Variants in SLC26A5 observed in about 807,000 individuals in gnomAD.
SLC26A5 encodes solute carrier family 26 member 5.
SLC26A5 carries 51 observed loss-of-function variants against 81.0 expected under a neutral mutation model. The observed-to-expected ratio is 0.63, with a 90% confidence interval of 0.50 to 0.80. The LOEUF (loss-of-function observed/expected upper bound fraction) is 0.80. Ranked by LOEUF, SLC26A5 falls within the 30% of genes least tolerant of loss-of-function variation. The pLI, the probability that SLC26A5 is intolerant of heterozygous loss-of-function variation, is 0.00. For synonymous variants in SLC26A5, 325 were observed against 332.8 expected, an observed-to-expected ratio of 0.98 and a Z score of 0.25; for missense variants, 771 against 905.8, an observed-to-expected ratio of 0.85 and a Z score of 1.91.
intron 4 of SLC26A5, 35 bp downstream of exon 4, chr7:103,420,703 A>C: frequency 6.2e-7 from 1 of 1,612,982 alleles, no homozygotes; most frequent in Non-Finnish European, 8.5e-7. Context: ...TTGTTTGAGG[A>C]CAGCAAGGGG....
intron 14 of SLC26A5, among the ~76,000 whole-genome samples, chr7:103,384,289 A>G (rs543192789): frequency 6.6e-6 from 1 of 151,940 alleles, no homozygotes; most frequent in Admixed American, 6.6e-5. Context: ...TGTTTGGCCT[A>G]TATTCTAATT....
intron 3 of SLC26A5, among the ~76,000 whole-genome samples, 169 bp downstream of exon 3, chr7:103,421,194 G>A (rs1048168992): frequency 2.6e-5 from 4 of 152,220 alleles, no homozygotes; most frequent in African/African-American, 7.2e-5. Flanking sequence ...TGAAGCCTGT[G>A]TGCAAATATC....
At chr7:103,356,013 G>T (rs1160529763) in intron 19 of SLC26A5, among the ~76,000 whole-genome samples, 1 of 152,132 alleles carries the variant, frequency 6.6e-6, no homozygotes, top group Non-Finnish European at 1.5e-5. Context: ...GATATAAAAA[G>T]ATGTAGAGCA....
intron 2 of SLC26A5, among the ~76,000 whole-genome samples, chr7:103,439,730 C>T (rs925198406): frequency 6.6e-6 from 1 of 152,184 alleles, no homozygotes; most frequent in African/African-American, 2.4e-5. Flanking sequence ...AATGGGATTT[C>T]ACCATGTTGG....
intron 2 of SLC26A5, among the ~76,000 whole-genome samples, chr7:103,442,528 T>C (rs1189033912): frequency 6.6e-6 from 1 of 152,200 alleles, no homozygotes; most frequent in Non-Finnish European, 1.5e-5. Flanking sequence ...CTAAGGACTT[T>C]ATCCTCAGAA....
Position 103,408,020 on chromosome 7 carries a change from G to A in SLC26A5, c.736-17C>T. The A allele has an allele frequency of 6.2e-7, 1 of 1,613,936 alleles. No homozygotes were observed. Among genetic ancestry groups the A allele is most frequent in the Non-Finnish European group, 8.5e-7 (1 of 1,179,928 alleles). ...AACTGTACTCTGTAACACAGTGAAT[G>A]CTGGATGTTTACATCAAGAAATCGC... On this transcript the variant is annotated splice_polypyrimidine_tract_variant and intron_variant, in intron 7 of 19. Transcript: ENST00000306312.
At chr7:103,403,535 T>C (rs1387893395) in intron 8 of SLC26A5, among the ~76,000 whole-genome samples, 1 of 152,146 alleles carries the variant, frequency 6.6e-6, no homozygotes, top group African/African-American at 2.4e-5. Flanking sequence ...AAGGACTTGG[T>C]TTATGAATCT....
intron 2 of SLC26A5, among the ~76,000 whole-genome samples, chr7:103,429,497 T>C (rs1459883536): frequency 6.6e-6 from 1 of 152,334 alleles, no homozygotes; most frequent in East Asian, 1.9e-4. Flanking sequence ...AAAAGTCTCA[T>C]GAATTAGAAC....
intron 4 of SLC26A5, 46 bp downstream of exon 4, chr7:103,420,692 A>G (rs186891133): frequency 6.2e-7 from 1 of 1,611,318 alleles, no homozygotes. Context: ...AGGTCAAGCA[A>G]TTGTTTGAGG....
intron 19 of SLC26A5, among the ~76,000 whole-genome samples, chr7:103,366,808 T>G (rs1374851999): frequency 2.7e-5 from 4 of 148,788 alleles, no homozygotes; most frequent in Non-Finnish European, 6.0e-5. Flanking sequence ...AAATCTAGAC[T>G]TTTTTTTTTG....
At chr7:103,354,719 G>A (rs1374376041) in intron 19 of SLC26A5, 15 of 594,424 alleles carry the variant, frequency 2.5e-5, no homozygotes, top group South Asian at 1.2e-4. Flanking sequence ...TATTTAGGGG[G>A]AAATATTGGG....
chr7:103,423,635 G>A (rs1825520706), intron 2 of SLC26A5, among the ~76,000 whole-genome samples: 1 of 152,138 alleles, frequency 6.6e-6, no homozygotes, highest in African/African-American at 2.4e-5. Context: ...TCCGCCATGT[G>A]AGGATACAGT....
At chr7:103,389,272 G>T in intron 13 of SLC26A5, 57 bp downstream of exon 13, 1 of 1,348,884 alleles carries the variant, frequency 7.4e-7, no homozygotes, top group Non-Finnish European at 1.1e-6. Context: ...ATTTTTCTTA[G>T]CACTAATCAT....
intron 11 of SLC26A5, among the ~76,000 whole-genome samples, chr7:103,391,065 A>C (rs1386307098): frequency 6.6e-6 from 1 of 152,090 alleles, no homozygotes; most frequent in Non-Finnish European, 1.5e-5. Context: ...AGGGTTCACC[A>C]GGTTGGACAG....
chr7:103,359,307 A>AT (rs1047097907), intron 19 of SLC26A5, among the ~76,000 whole-genome samples: 13 of 151,536 alleles, frequency 8.6e-5, no homozygotes, highest in Admixed American at 2.6e-4. Context: ...CAGCTTATGA[A>AT]TTTTTTTAAT....
At chr7:103,407,738 C>T (rs1416700383) in intron 8 of SLC26A5, 113 bp downstream of exon 8, 28 of 1,240,862 alleles carry the variant, frequency 2.3e-5, no homozygotes, top group Admixed American at 4.2e-5. Flanking sequence ...TTGTAACCTT[C>T]TTTTGGCAGA....
At chr7:103,392,327 AG>A (rs1822728756) in intron 10 of SLC26A5, among the ~76,000 whole-genome samples, 1 of 152,236 alleles carries the variant, frequency 6.6e-6, no homozygotes, top group Non-Finnish European at 1.5e-5. Flanking sequence ...GCGTTATAAA[AG>A]TAGGTGACAA....
At chr7:103,414,278 C>T (rs142299521) in intron 4 of SLC26A5, among the ~76,000 whole-genome samples, 457 of 151,610 alleles carry the variant, frequency 3.0e-3, no homozygotes, top group African/African-American at 6.6e-3. Context: ...CACAACCTCC[C>T]GGGCTCAAGC....
intron 8 of SLC26A5, among the ~76,000 whole-genome samples, chr7:103,398,623 G>A (rs1327078770): frequency 6.6e-6 from 1 of 152,144 alleles, no homozygotes; most frequent in African/African-American, 2.4e-5. Flanking sequence ...TTTACTTGGG[G>A]TGTAAAGTAC....
Sources: allele counts gnomAD v4.1 joint callset (sites outside exome capture counted in the v4.1 genomes callset), GRCh38; gene constraint gnomAD v4.1.1; transcripts MANE v1.5; gene names NCBI Gene and HGNC (gene_info 2026-07-23, HGNC 2026-07-21).